The following NAV3 variants were observed in gnomAD, a reference collection of about 807,000 sequenced individuals.
NAV3 encodes neuron navigator 3.
Under a neutral mutation model 244.7 loss-of-function variants are expected in NAV3, and 87 were observed. The ratio of observed to expected loss-of-function variants is 0.36; its 90% CI spans 0.30 to 0.42. The LOEUF is 0.42. Ranked by LOEUF, NAV3 falls within the 20% of genes least tolerant of loss-of-function variation. The pLI, the probability that NAV3 is intolerant of heterozygous loss-of-function variation, is 1.00. For synonymous variants in NAV3, 1,126 were observed against 1,042.2 expected, an observed-to-expected ratio of 1.08 and a Z score of -1.55; for missense variants, 2,663 against 2,893.3, an observed-to-expected ratio of 0.92 and a Z score of 1.83.
intron 2 of NAV3, among the ~76,000 whole-genome samples, chr12:77,589,193 A>T (rs1291466608): frequency 6.6e-6 from 1 of 152,162 alleles, no homozygotes; most frequent in Non-Finnish European, 1.5e-5. Flanking sequence ...CTTTGGGAAG[A>T]GGAAGACAAT....
chr12:77,889,273 G>C (rs2136717700), intron 1 of NAV3, among the ~76,000 whole-genome samples: 1 of 152,306 alleles, frequency 6.6e-6, no homozygotes. Flanking sequence ...AACTTTACCT[G>C]CCTGACTACT....
chr12:77,726,544 A>G (rs958641286), intron 2 of NAV3, among the ~76,000 whole-genome samples: 5 of 151,854 alleles, frequency 3.3e-5, no homozygotes, highest in Admixed American at 6.6e-5. Context: ...ATGACAGTGG[A>G]GACAGGGTAC....
intron 2 of NAV3, among the ~76,000 whole-genome samples, chr12:77,709,877 TA>T: frequency 6.6e-6 from 1 of 152,330 alleles, no homozygotes; most frequent in Admixed American, 6.5e-5. Flanking sequence ...AACTATCTTT[TA>T]AGCTATCTCT....
intron 1 of NAV3, among the ~76,000 whole-genome samples, chr12:77,862,429 G>T (rs113827948): frequency 1.3e-5 from 2 of 151,790 alleles, no homozygotes; most frequent in African/African-American, 4.8e-5. Flanking sequence ...GAGTTTTGGG[G>T]GAGGTGAAGG....
chr12:78,127,025 T>C (rs749243236), intron 16 of NAV3, 142 bp from the exon 17 acceptor site: 4 of 641,252 alleles, frequency 6.2e-6, no homozygotes, highest in Non-Finnish European at 1.1e-5. Flanking sequence ...TCACCTTTAG[T>C]TGGCCTTTTT....
intron 2 of NAV3, among the ~76,000 whole-genome samples, chr12:77,668,813 A>G (rs564965187): frequency 6.6e-6 from 1 of 152,314 alleles, no homozygotes; most frequent in Non-Finnish European, 1.5e-5. Flanking sequence ...TGGGAAATTC[A>G]TTACAAAAAG....
chr12:77,617,779 G>A (rs1227692690), intron 2 of NAV3, among the ~76,000 whole-genome samples: 1 of 152,214 alleles, frequency 6.6e-6, no homozygotes, highest in Non-Finnish European at 1.5e-5. Context: ...TCAGCTCCTA[G>A]TGGGTTCCTT....
At chr12:77,712,118 T>C (rs1392921969) in intron 2 of NAV3, among the ~76,000 whole-genome samples, 1 of 152,214 alleles carries the variant, frequency 6.6e-6, no homozygotes, top group Non-Finnish European at 1.5e-5. Context: ...GTATGATTTT[T>C]CATTATTGCA....
At chr12:77,811,241 T>C (rs1872271616) in intron 2 of NAV3, among the ~76,000 whole-genome samples, 1 of 152,232 alleles carries the variant, frequency 6.6e-6, no homozygotes, top group Admixed American at 6.5e-5. Context: ...CATACTTTCA[T>C]TGTTTCAGTA....
At chr12:77,818,451 G>A (rs924588335) in intron 2 of NAV3, among the ~76,000 whole-genome samples, 17 of 152,192 alleles carry the variant, frequency 1.1e-4, no homozygotes, top group South Asian at 2.1e-4. Context: ...ATCCCATCAC[G>A]TTAGAATTAC....
chr12:78,047,303 C>T lies in NAV3; in HGVS notation c.2024-2690C>T, dbSNP rs570386043. Among the ~76,000 whole-genome samples, 91 of 152,060 alleles carry T rather than the reference C, an allele frequency of 6.0e-4. 1 individual carries two copies. The highest frequency in any genetic ancestry group is 2.1e-3 in the East Asian group (11 of 5,152). ...GAGATCGAGACCATCCTGGCTAACA[C>T]GGTGAAACCCCATCTCTACTAAAAA... is the stretch of plus-strand genomic sequence containing the variant. On this transcript the variant is annotated intron_variant, in intron 9 of 39. Coordinates refer to ENST00000397909, the MANE Select transcript of NAV3 (RefSeq NM_001024383.2).
chr12:77,658,146 T>G (rs1035372201), intron 2 of NAV3, among the ~76,000 whole-genome samples: 172 of 152,236 alleles, frequency 1.1e-3, no homozygotes, highest in African/African-American at 3.9e-3. Flanking sequence ...GGTATTCAAT[T>G]AGGAAAAGAG....
chr12:78,200,422 T>C (rs1158886443), intron 37 of NAV3, 51 bp from the exon 38 acceptor site: 1 of 1,162,442 alleles, frequency 8.6e-7, no homozygotes, highest in Non-Finnish European at 1.2e-6. Context: ...GATATGTGTT[T>C]AGATTATTAA....
chr12:77,800,582 C>T (rs899052292), intron 2 of NAV3, among the ~76,000 whole-genome samples: 7 of 152,090 alleles, frequency 4.6e-5, no homozygotes, highest in African/African-American at 1.7e-4. Context: ...ATTTTAAGTA[C>T]AGTAGAAGCT....
At chr12:78,067,635 G>A (rs1885176315) in intron 12 of NAV3, among the ~76,000 whole-genome samples, 1 of 151,910 alleles carries the variant, frequency 6.6e-6, no homozygotes, top group East Asian at 1.9e-4. Flanking sequence ...TCAATCCTGG[G>A]CTTTTTATTC....
chr12:78,057,137 CTATT>C (rs1883626349), intron 11 of NAV3, among the ~76,000 whole-genome samples: 1 of 152,110 alleles, frequency 6.6e-6, no homozygotes, highest in Admixed American at 6.6e-5. Context: ...TGAAAAGTCT[CTATT>C]TATGAAGTTA....
chr12:77,685,468 C>A (rs74104988), intron 2 of NAV3, among the ~76,000 whole-genome samples: 2,876 of 118,742 alleles, frequency 0.024, 35 homozygotes, highest in African/African-American at 0.044. Flanking sequence ...CCAACGCATA[C>A]ACATGCACAC....
chr12:77,743,828 T>G (rs1868398364), intron 2 of NAV3, among the ~76,000 whole-genome samples: 1 of 151,836 alleles, frequency 6.6e-6, no homozygotes, highest in African/African-American at 2.4e-5. Flanking sequence ...CATAATCATT[T>G]GCTGTGGAAA....
chr12:78,116,751 T>C (rs2138513293), intron 12 of NAV3, 21 bp from the exon 13 acceptor site: 1 of 1,563,496 alleles, frequency 6.4e-7, no homozygotes, highest in Non-Finnish European at 8.7e-7. Context: ...GATTCACTGC[T>C]CTTGCATGTC....
Sources: gnomAD v4.1 joint callset for allele counts (sites outside exome capture counted in the v4.1 genomes callset) on GRCh38, gnomAD v4.1.1 for gene constraint, MANE v1.5 for transcripts, NCBI Gene and HGNC (gene_info 2026-07-23, HGNC 2026-07-21) for gene names.